Variants in ZNG1C observed in about 807,000 individuals in gnomAD.
The protein encoded by ZNG1C is Zn regulated GTPase metalloprotein activator 1C.
chr9:68,279,168 T>A, the ZNG1C span, among the ~76,000 whole-genome samples: 1 of 132,162 alleles, frequency 7.6e-6, no homozygotes, highest in Middle Eastern at 3.5e-3. Flanking sequence ...TGGTAGATTT[T>A]CCTCCATCCC....
chr9:68,293,245 C>G, the ZNG1C span, among the ~76,000 whole-genome samples: 2 of 152,260 alleles, frequency 1.3e-5, no homozygotes, highest in African/African-American at 2.4e-5. Context: ...ACCTATAAAA[C>G]AAAAATACAA....
the ZNG1C span, among the ~76,000 whole-genome samples, chr9:68,280,944 G>C: frequency 5.8e-5 from 5 of 86,102 alleles, 1 homozygote; most frequent in African/African-American, 2.0e-4. Flanking sequence ...CCTCGCTGCC[G>C]CCTTGCAGTT....
At chr9:68,247,345 G>A in the ZNG1C span, among the ~76,000 whole-genome samples, 1 of 150,816 alleles carries the variant, frequency 6.6e-6, no homozygotes, top group Non-Finnish European at 1.5e-5. Context: ...AAGAAATGGG[G>A]GTGGCCAAGT....
the ZNG1C span, among the ~76,000 whole-genome samples, chr9:68,290,091 A>AT: frequency 8.7e-6 from 1 of 115,220 alleles, no homozygotes; most frequent in Admixed American, 9.3e-5. Context: ...GGAATTACAG[A>AT]TTTTTTCAGG....
At chr9:68,264,569 A>G in the ZNG1C span, 2 of 1,246 alleles carry the variant, frequency 1.6e-3, no homozygotes, top group Admixed American at 0.013. Context: ...GAGAAAAATC[A>G]CTAAGATGAA....
At chr9:68,280,771 G>A in the ZNG1C span, among the ~76,000 whole-genome samples, 3 of 49,148 alleles carry the variant, frequency 6.1e-5, no homozygotes, top group African/African-American at 2.4e-4. Context: ...AGTCTGCAGA[G>A]GTTACTGCTG....
At chr9:68,281,261 G>T in the ZNG1C span, among the ~76,000 whole-genome samples, 2 of 152,272 alleles carry the variant, frequency 1.3e-5, no homozygotes, top group African/African-American at 2.4e-5. Context: ...AGATGAACCC[G>T]GTACCTCAGA....
At chr9:68,255,256 G>A in the ZNG1C span, among the ~76,000 whole-genome samples, 9 of 115,848 alleles carry the variant, frequency 7.8e-5, no homozygotes, top group East Asian at 1.3e-3. Context: ...ATAACATTTT[G>A]GGTTGGATAA....
the ZNG1C span, chr9:68,274,205 T>A: frequency 6.6e-6 from 1 of 150,856 alleles, no homozygotes; most frequent in Non-Finnish European, 1.5e-5. Flanking sequence ...TTTATAAATT[T>A]GCTTTTTTAT....
At chr9:68,288,452 GT>G in the ZNG1C span, among the ~76,000 whole-genome samples, 5 of 152,160 alleles carry the variant, frequency 3.3e-5, no homozygotes, top group Admixed American at 1.3e-4. Flanking sequence ...TTTGGGTTTT[GT>G]TTTTGTTTTT....
the ZNG1C span, among the ~76,000 whole-genome samples, chr9:68,276,530 C>T: frequency 1.3e-3 from 198 of 148,988 alleles, no homozygotes; most frequent in African/African-American, 3.2e-3. Context: ...TATGGCTAGC[C>T]GGTTTTCCCA....
At chr9:68,261,445 T>C in the ZNG1C span, among the ~76,000 whole-genome samples, 1 of 136,738 alleles carries the variant, frequency 7.3e-6, no homozygotes, top group Non-Finnish European at 1.5e-5. Context: ...GAGGTATAAT[T>C]GACAAGTAAA....
the ZNG1C span, among the ~76,000 whole-genome samples, chr9:68,281,171 G>C: frequency 6.6e-6 from 1 of 151,874 alleles, no homozygotes; most frequent in East Asian, 1.9e-4. Flanking sequence ...TCCCAAGTGA[G>C]ACAATGCCTC....
the ZNG1C span, among the ~76,000 whole-genome samples, chr9:68,243,632 A>G: frequency 1.7e-5 from 1 of 58,826 alleles, no homozygotes; most frequent in East Asian, 2.8e-4. Flanking sequence ...GAATACTCTA[A>G]AAGCCTCCTG....
chr9:68,272,195 C>T, the ZNG1C span, among the ~76,000 whole-genome samples: 1 of 125,944 alleles, frequency 7.9e-6, no homozygotes, highest in Non-Finnish European at 1.7e-5. Flanking sequence ...CCACCCCCAC[C>T]GAGGAGAGCC....
At chr9:68,286,910 G>A in the ZNG1C span, among the ~76,000 whole-genome samples, 1 of 81,314 alleles carries the variant, frequency 1.2e-5, no homozygotes, top group African/African-American at 5.7e-5. Flanking sequence ...CTTGGAGATA[G>A]AATTTATGGT....
the ZNG1C span, among the ~76,000 whole-genome samples, chr9:68,263,336 T>TA: frequency 3.7e-4 from 16 of 43,120 alleles, no homozygotes; most frequent in African/African-American, 1.6e-3. Context: ...TGTGTTCAAT[T>TA]AAAAAAAAAA....
chr9:68,275,324 T>C, the ZNG1C span, among the ~76,000 whole-genome samples: 1 of 129,670 alleles, frequency 7.7e-6, no homozygotes, highest in Non-Finnish European at 1.6e-5. Context: ...AGTTTTTTTT[T>C]AATTTATTTA....
chr9:68,293,520 T>C, the ZNG1C span, among the ~76,000 whole-genome samples: 1 of 125,722 alleles, frequency 8.0e-6, no homozygotes. Flanking sequence ...ACACCAAATG[T>C]GAGCAGGAGT....
Sources: gnomAD v4.1 joint callset for allele counts (sites outside exome capture counted in the v4.1 genomes callset) on GRCh38, gnomAD v4.1.1 for gene constraint, MANE v1.5 for transcripts, NCBI Gene and HGNC (gene_info 2026-07-23, HGNC 2026-07-21) for gene names.